Variants in PCDHGA6 observed in about 807,000 individuals in gnomAD.
PCDHGA6 encodes the protein protocadherin gamma subfamily A, 6, also known as protocadherin gamma-A6.
PCDHGA6 carries 41 observed loss-of-function variants against 60.6 expected under a neutral mutation model. That is an observed-to-expected ratio of 0.68 (90% CI 0.53 to 0.88). The LOEUF (loss-of-function observed/expected upper bound fraction) is 0.88, where lower values mean the gene tolerates loss of function less well. PCDHGA6 is among the 40% of genes least tolerant of loss of function. The pLI is 0.00. For synonymous variants in PCDHGA6, 594 were observed against 524.4 expected, an observed-to-expected ratio of 1.13 and a Z score of -1.81; for missense variants, 1,312 against 1,203.0, an observed-to-expected ratio of 1.09 and a Z score of -1.34.
intron 1 of PCDHGA6, among the ~76,000 whole-genome samples, chr5:141,494,341 G>C (rs565090556): frequency 9.2e-5 from 14 of 152,352 alleles, no homozygotes; most frequent in Admixed American, 9.1e-4. Context: ...ACCAAGAACA[G>C]CAGCCATCTT....
intron 1 of PCDHGA6, chr5:141,421,806 A>C (rs1027166084): frequency 4.3e-6 from 7 of 1,613,724 alleles, no homozygotes; most frequent in Non-Finnish European, 5.1e-6. Flanking sequence ...CCAAGAATCC[A>C]GAGCTAGTAC....
At chr5:141,403,416 C>T in intron 1 of PCDHGA6, 1 of 1,614,034 alleles carries the variant, frequency 6.2e-7, no homozygotes, top group Non-Finnish European at 8.5e-7. Context: ...TATCCACTTC[C>T]AGAAGCTATT....
chr5:141,438,623 TATATATATATATACACAC>T (rs1435936123), intron 1 of PCDHGA6, among the ~76,000 whole-genome samples: 532 of 42,826 alleles, frequency 0.012, 5 homozygotes, highest in African/African-American at 0.075. Flanking sequence ...TATATATATA[TATATATATATATACACAC>T]ACACACACAC....
At chr5:141,393,528 G>A in intron 1 of PCDHGA6, 7 of 1,613,988 alleles carry the variant, frequency 4.3e-6, no homozygotes, top group East Asian at 4.5e-5. Context: ...AAATGACAAT[G>A]CCCCGGTTTT....
At chr5:141,421,206 G>A in intron 1 of PCDHGA6, 1 of 1,531,730 alleles carries the variant, frequency 6.5e-7, no homozygotes, top group Non-Finnish European at 8.8e-7. Context: ...AGAAACCGCG[G>A]AATATCGGCT....
chr5:141,494,807 C>A lies in PCDHGA6; in HGVS notation c.2425C>A (p.Gln809Lys), dbSNP rs568448786. Residue 809 changes from glutamine to lysine, a missense_variant and splice_region_variant, in exon 2 of 4, where the codon CAA (glutamine) becomes AAA (lysine). Coordinates refer to ENST00000517434, the MANE Select transcript of PCDHGA6 (RefSeq NM_018919.3). ...CCCTTTCCCTCTGTTTTCTCCACAGCAAGCCCCGCCCAACACGGACTGGCG... is the reference window on the plus strand; with the variant it reads ...CCCTTTCCCTCTGTTTTCTCCACAGAAAGCCCCGCCCAACACGGACTGGCG... ...ETKGEPRQLQ[Q>K]APPNTDWRFS... The A allele has an allele frequency of 2.5e-5, 40 of 1,614,144 alleles. No individual in the cohort carries two copies. The South Asian group carries it at 4.0e-4, about 16-fold the overall frequency.
intron 1 of PCDHGA6, among the ~76,000 whole-genome samples, chr5:141,379,889 C>CTTTTTTTTTGTTTTTTTTTTTTTTTTT (rs1775948001): frequency 2.0e-5 from 1 of 50,830 alleles, no homozygotes; most frequent in Non-Finnish European, 3.9e-5. Context: ...GTGAAAGCCT[C>CTTTTTTTTTGTTTTTTTTTTTTTTTTT]TTTTTTTTTT....
At chr5:141,405,880 G>T (rs2094729430) in intron 1 of PCDHGA6, among the ~76,000 whole-genome samples, 1 of 152,110 alleles carries the variant, frequency 6.6e-6, no homozygotes, top group Non-Finnish European at 1.5e-5. Flanking sequence ...GGGCCTAATT[G>T]TTGCTCCAAC....
At chr5:141,389,883 C>A in intron 1 of PCDHGA6, 1 of 1,614,084 alleles carries the variant, frequency 6.2e-7, no homozygotes. Context: ...CGACAGCTTG[C>A]AGGAGGTGCT....
rs1216840918 is a variant in PCDHGA6, at chr5:141,476,285, G to C, written c.2425-18522G>C. The C allele has an allele frequency of 1.2e-6, 2 of 1,614,036 alleles. No individual in the cohort carries two copies. The highest frequency in any genetic ancestry group is 1.7e-6 in the Non-Finnish European group (2 of 1,180,032). ...CAACGTGGTCGCGAACCTTGGTTTG[G>C]ATCTCGGTAGCCTCTCAGCCCGCAG... On this transcript the variant is annotated intron_variant, in intron 1 of 3. Coordinates refer to ENST00000517434, the MANE Select transcript of PCDHGA6 (RefSeq NM_018919.3). This position sits in a 1 kb window ranked among gnomAD's most constrained non-coding sequence, Gnocchi z 7.6.
In PCDHGA6 at chr5:141,490,803, C is replaced by A; in HGVS notation, c.2425-4004C>A. The A allele has an allele frequency of 6.2e-7, 1 of 1,613,956 alleles. No homozygotes were observed. Among genetic ancestry groups the A allele is most frequent in the South Asian group, 1.1e-5 (1 of 91,080 alleles). On this transcript the variant is annotated intron_variant, in intron 1 of 3. Transcript: ENST00000517434. The surrounding 1 kb of genome is among the most constrained non-coding windows in gnomAD (Gnocchi z 5.4). ...ATGGACGGATCTTTGCCCAGCGTAC[C>A]TTTGACTATGAATTGCTGCAGATGC...
chr5:141,376,635 T>C, intron 1 of PCDHGA6, 128 bp downstream of exon 1: 3 of 1,245,578 alleles, frequency 2.4e-6, no homozygotes, highest in Non-Finnish European at 3.3e-6. Flanking sequence ...AGATTCGTGA[T>C]TTTGTAAAGT....
intron 1 of PCDHGA6, chr5:141,404,402 A>T: frequency 6.2e-7 from 1 of 1,613,850 alleles, no homozygotes; most frequent in Non-Finnish European, 8.5e-7. Context: ...TAGCAATGAG[A>T]ATTCTAGAGT....
At position 141,487,688 on chromosome 5, in the gene PCDHGA6, G is replaced by A. The variant is rs376927186; in HGVS notation, c.2425-7119G>A. On this transcript the variant is annotated intron_variant, in intron 1 of 3. Coordinates refer to ENST00000517434, the MANE Select transcript of PCDHGA6 (RefSeq NM_018919.3). The surrounding 1 kb of genome is among the most constrained non-coding windows in gnomAD (Gnocchi z 5.0). ...AGGCATATGGCTAGGCCATGTCCTA[G>A]AGAGTACTGGCCTCTCAGTAAGTGC... 6.2e-7 allele frequency: 1 copy of A among 1,604,966 alleles called. No homozygotes were observed.
In PCDHGA6 at chr5:141,394,617, G is replaced by A. The variant is rs369651266; in HGVS notation, c.2424+18110G>A. The A allele has an allele frequency of 1.7e-5, 28 of 1,613,372 alleles. No individual in the cohort carries two copies. The Admixed American group carries it at 2.8e-4, about 16-fold the overall frequency. On this transcript the variant is annotated intron_variant, in intron 1 of 3. Coordinates refer to ENST00000517434, the MANE Select transcript of PCDHGA6 (RefSeq NM_018919.3). ...GGTGGACAGAGACTCGGGCCAGAAC[G>A]CCTGGCTGTCCTACCGCCTGCTCAA... is the stretch of plus-strand genomic sequence containing the variant.
At chr5:141,392,676 C>T in intron 1 of PCDHGA6, 1 of 917,280 alleles carries the variant, frequency 1.1e-6, no homozygotes, top group East Asian at 2.7e-5. Context: ...AACTGCTGGA[C>T]TGCAGCGAAA....
chr5:141,492,071 C>T (rs992716777), intron 1 of PCDHGA6: 7 of 481,874 alleles, frequency 1.5e-5, no homozygotes, highest in African/African-American at 1.4e-4. Context: ...CTCCTAGGCG[C>T]CGGCTCCGGC....
intron 1 of PCDHGA6, chr5:141,428,009 A>G (rs778602169): frequency 3.7e-6 from 6 of 1,602,358 alleles, no homozygotes; most frequent in African/African-American, 2.7e-5. Context: ...TCTTCGATAT[A>G]GTGCCACGCG....
At position 141,374,760 on chromosome 5, in the gene PCDHGA6, C is replaced by A; in HGVS notation, c.677C>A (p.Ala226Asp). The change falls in exon 1 of 4, where the codon GCC (alanine) becomes GAC (aspartate). Residue 226 changes from alanine to aspartate, a missense_variant. By Grantham distance (126) the Ala-to-Asp change is moderately radical (BLOSUM62 -2). Coordinates refer to ENST00000517434, the MANE Select transcript of PCDHGA6 (RefSeq NM_018919.3). Reference protein sequence around the residue: ...DGGDPVRSSVAQILVTVLDVN... With the variant: ...DGGDPVRSSVDQILVTVLDVN... ...GGCGACCCTGTCCGCTCAAGCGTCG[C>A]CCAAATTCTGGTAACAGTTCTAGAT... is the stretch of plus-strand genomic sequence containing the variant. 6.2e-7 allele frequency: 1 copy of A among 1,613,440 alleles called. No homozygotes were observed. The highest frequency in any genetic ancestry group is 8.5e-7 in the Non-Finnish European group (1 of 1,179,652).
Sources: gnomAD v4.1 joint callset for allele counts (sites outside exome capture counted in the v4.1 genomes callset) on GRCh38, gnomAD v4.1.1 for gene constraint, Gnocchi (gnomAD v3.1) non-coding constraint, MANE v1.5 for transcripts, NCBI Gene and HGNC (gene_info 2026-07-23, HGNC 2026-07-21) for gene names.